PTPRT: variants seen among roughly 807,000 people sequenced by gnomAD.
PTPRT encodes protein tyrosine phosphatase receptor type T, also known as receptor-type tyrosine-protein phosphatase T.
PTPRT carries 56 observed loss-of-function variants against 176.8 expected under a neutral mutation model. That is an observed-to-expected ratio of 0.32 (90% CI 0.26 to 0.40). PTPRT has a LOEUF of 0.40. PTPRT is among the 10% of genes least tolerant of loss of function. The probability of loss-of-function intolerance (pLI) is 1.00; values close to 1 mark genes in which losing one functional copy is unlikely to be tolerated. For synonymous variants in PTPRT, 783 were observed against 739.0 expected (o/e 1.06, Z -0.96); for missense variants, 1,540 against 1,908.2 (o/e 0.81, Z 3.60).
chr20:42,778,850 T>C (rs1471942346), intron 4 of PTPRT, among the ~76,000 whole-genome samples: 2 of 152,144 alleles, frequency 1.3e-5, no homozygotes, highest in African/African-American at 4.8e-5. Context: ...ATAGAAACAT[T>C]TCCCCAGGCA....
intron 17 of PTPRT, among the ~76,000 whole-genome samples, chr20:42,145,361 G>A (rs545953278): frequency 7.2e-5 from 11 of 152,236 alleles, no homozygotes; most frequent in Admixed American, 2.6e-4. Flanking sequence ...TTAGCTGGGC[G>A]TGGTGACACA....
intron 18 of PTPRT, among the ~76,000 whole-genome samples, chr20:42,137,962 C>A (rs188598249): frequency 1.6e-4 from 24 of 152,278 alleles, no homozygotes; most frequent in Non-Finnish European, 3.4e-4. Context: ...GCCCGCAGAC[C>A]CCCTCTCCAC....
At chr20:42,237,949 G>A (rs922453049) in intron 14 of PTPRT, among the ~76,000 whole-genome samples, 2 of 152,036 alleles carry the variant, frequency 1.3e-5, no homozygotes, top group African/African-American at 2.4e-5. Flanking sequence ...AAATACAGTC[G>A]TTATAACTGC....
chr20:43,022,015 A>T (rs1280358454), intron 1 of PTPRT, among the ~76,000 whole-genome samples: 2 of 152,150 alleles, frequency 1.3e-5, no homozygotes, highest in South Asian at 2.1e-4. Context: ...CCTTTTAAGG[A>T]TCTTTCTTGG....
At position 42,595,297 on chromosome 20, in the gene PTPRT, C is replaced by T. The variant is rs117742709; in HGVS notation, c.1153+82569G>A. On this transcript the variant is annotated intron_variant, in intron 7 of 30. Transcript: ENST00000373187. ...GATTTCTCAGCCTCACCACCATTGA[C>T]ATTTTGGGCCAGAAAATTCTTTTCT... Among the ~76,000 whole-genome samples, 922 of 152,160 alleles carry T rather than the reference C, an allele frequency of 6.1e-3. 18 individuals carry two copies. Among genetic ancestry groups the T allele is most frequent in the Non-Finnish European group, 6.8e-3 (461 of 68,000 alleles).
intron 29 of PTPRT, among the ~76,000 whole-genome samples, chr20:42,083,726 G>C (rs1447041374): frequency 6.6e-6 from 1 of 152,188 alleles, no homozygotes; most frequent in Non-Finnish European, 1.5e-5. Flanking sequence ...AGAAAGAGAA[G>C]ACCTTCGTTC....
At chr20:42,742,537 G>C (rs1343181383) in intron 6 of PTPRT, among the ~76,000 whole-genome samples, 1 of 152,158 alleles carries the variant, frequency 6.6e-6, no homozygotes, top group Non-Finnish European at 1.5e-5. Context: ...AAATGTCACA[G>C]CAGGAGGGGA....
chr20:42,760,380 CTTTTTTTTTTTT>C (rs754362528), intron 5 of PTPRT, among the ~76,000 whole-genome samples: 3 of 94,244 alleles, frequency 3.2e-5, no homozygotes, highest in East Asian at 3.0e-4. Flanking sequence ...TCTAAATCTG[CTTTTTTTTTTTT>C]TTTTTTTTTT....
At chr20:42,655,080 G>A (rs1244171360) in intron 7 of PTPRT, among the ~76,000 whole-genome samples, 1 of 152,090 alleles carries the variant, frequency 6.6e-6, no homozygotes, top group Non-Finnish European at 1.5e-5. Context: ...CCCTGAAAAG[G>A]TCCATTTCAA....
intron 13 of PTPRT, among the ~76,000 whole-genome samples, chr20:42,257,004 T>A (rs973315172): frequency 2.6e-5 from 4 of 152,054 alleles, no homozygotes; most frequent in African/African-American, 9.7e-5. Context: ...ATTAGCCAAA[T>A]CCAGAAGCCA....
At chr20:42,911,459 G>T (rs1432201839) in intron 1 of PTPRT, among the ~76,000 whole-genome samples, 1 of 151,810 alleles carries the variant, frequency 6.6e-6, no homozygotes, top group Non-Finnish European at 1.5e-5. Context: ...TAATTATTCT[G>T]ATTACCCTAA....
intron 1 of PTPRT, among the ~76,000 whole-genome samples, chr20:43,161,295 G>C (rs1045164336): frequency 6.6e-6 from 1 of 151,892 alleles, no homozygotes; most frequent in Non-Finnish European, 1.5e-5. Flanking sequence ...TGCGTTTTTC[G>C]TAGGCAAACA....
At chr20:42,334,141 A>C (rs561426891) in intron 11 of PTPRT, among the ~76,000 whole-genome samples, 1 of 152,332 alleles carries the variant, frequency 6.6e-6, no homozygotes, top group South Asian at 2.1e-4. Flanking sequence ...AAAAAAGTCT[A>C]TTAAGACCCC....
At chr20:42,690,228 T>C (rs1027953715) in intron 6 of PTPRT, among the ~76,000 whole-genome samples, 1 of 152,094 alleles carries the variant, frequency 6.6e-6, no homozygotes, top group Admixed American at 6.5e-5. Flanking sequence ...TGATCAGGAA[T>C]GGTCTTCATC....
intron 7 of PTPRT, among the ~76,000 whole-genome samples, chr20:42,567,502 A>C (rs1413827426): frequency 6.6e-6 from 1 of 152,120 alleles, no homozygotes; most frequent in Non-Finnish European, 1.5e-5. Context: ...GGTACTGTAC[A>C]CTTTCTTCCT....
In PTPRT at chr20:42,080,948, G is replaced by A; in HGVS notation, c.4273-16C>T. 6.4e-7 allele frequency: 1 copy of A among 1,574,310 alleles called. No individual in the cohort carries two copies. The highest frequency in any genetic ancestry group is 8.7e-7 in the Non-Finnish European group (1 of 1,144,428). ...TATACTGTTCCTGAGAGGCGGAGAG[G>A]AGCAGAGGCAGAGAGGGAGAAGAGG... is the stretch of plus-strand genomic sequence containing the variant. On this transcript the variant is annotated splice_polypyrimidine_tract_variant and intron_variant, in intron 30 of 30. Coordinates refer to ENST00000373187, the MANE Select transcript of PTPRT (RefSeq NM_007050.6).
intron 11 of PTPRT, among the ~76,000 whole-genome samples, chr20:42,327,566 C>T (rs1320707835): frequency 6.6e-6 from 1 of 151,970 alleles, no homozygotes; most frequent in Non-Finnish European, 1.5e-5. Flanking sequence ...ACAAGTAACC[C>T]TCAAATGGTT....
At chr20:42,033,383 A>G in the PTPRT span, among the ~76,000 whole-genome samples, 1 of 152,204 alleles carries the variant, frequency 6.6e-6, no homozygotes, top group Non-Finnish European at 1.5e-5. Flanking sequence ...CATGATGCAT[A>G]TAGCTTATTG....
chr20:42,861,551 TTAAAAAAAAC>T (rs1401549658), intron 2 of PTPRT, among the ~76,000 whole-genome samples: 1 of 151,958 alleles, frequency 6.6e-6, no homozygotes, highest in Admixed American at 6.6e-5. Context: ...TCAGAACACA[TTAAAAAAAAC>T]TAAATAAAAC....
Sources: allele counts gnomAD v4.1 joint callset (sites outside exome capture counted in the v4.1 genomes callset), GRCh38; gene constraint gnomAD v4.1.1; transcripts MANE v1.5; gene names NCBI Gene and HGNC (gene_info 2026-07-23, HGNC 2026-07-21).